NCOA2: variants seen among roughly 807,000 people sequenced by gnomAD.
NCOA2 encodes class E basic helix-loop-helix protein 75.
In NCOA2, 21 loss-of-function variants were observed where a neutral mutation model predicts 145.1. That is an observed-to-expected ratio of 0.14 (90% CI 0.10 to 0.21). NCOA2 has a LOEUF of 0.21. Ranked by LOEUF, NCOA2 falls within the 10% of genes least tolerant of loss-of-function variation. The pLI is 1.00. For missense variants in NCOA2, 1,472 were observed against 1,837.6 expected (o/e 0.80, Z 3.64); for synonymous variants, 619 against 637.5 (o/e 0.97, Z 0.44).
chr8:70,323,085 G>T (rs16936918), intron 1 of NCOA2, among the ~76,000 whole-genome samples: 1 of 152,068 alleles, frequency 6.6e-6, no homozygotes, highest in African/African-American at 2.4e-5. Context: ...CAGATTTAAC[G>T]AATACGTAAA....
chr8:70,208,262 CTA>C (rs1278122134), intron 4 of NCOA2, among the ~76,000 whole-genome samples: 1 of 150,996 alleles, frequency 6.6e-6, no homozygotes, highest in Non-Finnish European at 1.5e-5. Context: ...GAAGAAAATT[CTA>C]TGAGAAGATG....
chr8:70,292,345 G>GT (rs1554618699), intron 2 of NCOA2, among the ~76,000 whole-genome samples: 1 of 151,886 alleles, frequency 6.6e-6, no homozygotes, highest in Non-Finnish European at 1.5e-5. Context: ...TAGAGATGGG[G>GT]TTTCACCATG....
At chr8:70,269,216 T>C (rs1269006647) in intron 2 of NCOA2, among the ~76,000 whole-genome samples, 1 of 152,216 alleles carries the variant, frequency 6.6e-6, no homozygotes, top group Non-Finnish European at 1.5e-5. Context: ...ACAATATAAT[T>C]TTTAATAGCA....
rs879794482 is a variant in NCOA2, at chr8:70,111,004, G to A, written c.*2628C>T. On this transcript the variant is annotated 3_prime_UTR_variant, in exon 23 of 23. Coordinates refer to ENST00000452400, the MANE Select transcript of NCOA2 (RefSeq NM_006540.4). ...GCATGAGAAATACTGATAATGAAGG[G>A]AACTGATTTGGCTTTTGCTTCTATA... is the stretch of plus-strand genomic sequence containing the variant. 4 of 223,724 alleles carry A rather than the reference G, an allele frequency of 1.8e-5. No homozygotes were observed. Among genetic ancestry groups the A allele is most frequent in the Non-Finnish European group, 3.6e-5 (4 of 112,200 alleles). The allele number at this position is 223,724 out of a possible 1,614,324, so 13.9% of individuals were successfully genotyped here. A position where few individuals can be genotyped will look rare whatever the true frequency, so the allele number is the denominator to read the frequency against.
intron 1 of NCOA2, among the ~76,000 whole-genome samples, chr8:70,341,094 A>AAAAAAAAAAAG (rs751360659): frequency 6.7e-6 from 1 of 150,232 alleles, no homozygotes. Flanking sequence ...AAAAAAAAAA[A>AAAAAAAAAAAG]AAAGAAACAA....
chr8:70,164,256 G>A (rs150588345), intron 7 of NCOA2, among the ~76,000 whole-genome samples: 6 of 152,180 alleles, frequency 3.9e-5, no homozygotes, highest in South Asian at 4.2e-4. Context: ...TGTCTTATGC[G>A]TCAGGGTTCA....
At position 70,326,457 on chromosome 8, in the gene NCOA2, ACACACACACACACATG is replaced by A. The variant is rs1200509559; in HGVS notation, c.-76-29673_-76-29658del. Among the ~76,000 whole-genome samples, 44 of 150,670 alleles carry A rather than the reference ACACACACACACACATG, an allele frequency of 2.9e-4. 1 individual carries two copies. In the South Asian group the frequency reaches 7.7e-3, roughly 26 times the overall value. On this transcript the variant is annotated intron_variant, in intron 1 of 22. Transcript: ENST00000452400. ...CACACACACACACACACACGTGCAC[ACACACACACACACATG>A]CACACACACACACACAGCTGTGATT...
At chr8:70,205,781 G>A (rs2133687750) in intron 4 of NCOA2, among the ~76,000 whole-genome samples, 1 of 152,308 alleles carries the variant, frequency 6.6e-6, no homozygotes, top group East Asian at 1.9e-4. Context: ...CTTCTATGGT[G>A]AGGGTTCTTC....
the NCOA2 span, among the ~76,000 whole-genome samples, chr8:70,412,271 C>T: frequency 2.6e-5 from 4 of 151,748 alleles, no homozygotes; most frequent in Non-Finnish European, 5.9e-5. Context: ...AAGACCTTGT[C>T]TGTCTCTAAA....
At chr8:70,225,910 G>A (rs983861482) in intron 2 of NCOA2, among the ~76,000 whole-genome samples, 3 of 152,058 alleles carry the variant, frequency 2.0e-5, no homozygotes, top group African/African-American at 7.2e-5. Context: ...TTGTAAAACT[G>A]GAGCAATAAT....
chr8:70,326,488 C>G (rs892213362), intron 1 of NCOA2, among the ~76,000 whole-genome samples: 1 of 151,832 alleles, frequency 6.6e-6, no homozygotes, highest in Non-Finnish European at 1.5e-5. Context: ...CACACACACA[C>G]AGCTGTGATT....
At chr8:70,318,859 T>A (rs1191544147) in intron 1 of NCOA2, among the ~76,000 whole-genome samples, 2 of 152,138 alleles carry the variant, frequency 1.3e-5, no homozygotes, top group African/African-American at 4.8e-5. Flanking sequence ...CAAGACCAAG[T>A]CATAGGAAAA....
intron 1 of NCOA2, among the ~76,000 whole-genome samples, chr8:70,306,153 A>G (rs1320404982): frequency 2.0e-5 from 3 of 152,182 alleles, no homozygotes; most frequent in Non-Finnish European, 4.4e-5. Flanking sequence ...TGGCAACAGT[A>G]CCATTTCGGG....
At chr8:70,394,862 A>G (rs567820130) in intron 1 of NCOA2, among the ~76,000 whole-genome samples, 46 of 152,318 alleles carry the variant, frequency 3.0e-4, no homozygotes, top group Admixed American at 2.9e-3. Context: ...CTGAACCACA[A>G]TGTTGTCCAG....
chr8:70,133,725 A>G lies in NCOA2; in HGVS notation c.3159-1723T>C, dbSNP rs190716144. Among the ~76,000 whole-genome samples the G allele has an allele frequency of 4.5e-3, 682 of 152,382 alleles. 2 individuals are homozygous for G. Among genetic ancestry groups the G allele is most frequent in the Non-Finnish European group, 6.5e-3 (442 of 68,038 alleles). On this transcript the variant is annotated intron_variant, in intron 15 of 22. Coordinates refer to ENST00000452400, the MANE Select transcript of NCOA2 (RefSeq NM_006540.4). ...TTCTTAAGCAAGTCAGAATAAACTT[A>G]TCAAGAAATGAAGTTACCTATGAAC...
the NCOA2 span, among the ~76,000 whole-genome samples, chr8:70,424,795 C>T: frequency 6.6e-6 from 1 of 152,206 alleles, no homozygotes; most frequent in African/African-American, 2.4e-5. Flanking sequence ...ATGTGAATTT[C>T]ATGTAATATT....
At chr8:70,248,701 G>GT (rs1280953245) in intron 2 of NCOA2, among the ~76,000 whole-genome samples, 3 of 151,950 alleles carry the variant, frequency 2.0e-5, no homozygotes. Flanking sequence ...CTAATAAAAT[G>GT]TAAGTGCTAT....
chr8:70,378,459 CAT>C (rs748844879), intron 1 of NCOA2, among the ~76,000 whole-genome samples: 17 of 152,172 alleles, frequency 1.1e-4, no homozygotes, highest in African/African-American at 2.7e-4. Context: ...GAGATCCCCA[CAT>C]GTTTCTTCAC....
At chr8:70,442,255 C>A in the NCOA2 span, among the ~76,000 whole-genome samples, 1 of 152,136 alleles carries the variant, frequency 6.6e-6, no homozygotes, top group Non-Finnish European at 1.5e-5. Flanking sequence ...AAAGTTGGCA[C>A]GCGCTGGCCT....
Sources: allele counts gnomAD v4.1 joint callset (sites outside exome capture counted in the v4.1 genomes callset), GRCh38; gene constraint gnomAD v4.1.1; transcripts MANE v1.5; gene names NCBI Gene and HGNC (gene_info 2026-07-23, HGNC 2026-07-21).